The following FYN variants were observed in gnomAD, a reference collection of about 807,000 sequenced individuals.
FYN encodes FYN proto-oncogene, Src family tyrosine kinase, also known as tyrosine-protein kinase Fyn.
Under a neutral mutation model 70.2 loss-of-function variants are expected in FYN, and 10 were observed. The observed-to-expected ratio is 0.14, with a 90% confidence interval of 0.09 to 0.24. FYN has a LOEUF of 0.24. Among genes scored for constraint, FYN ranks in the 10% least tolerant of loss-of-function variants. The probability of loss-of-function intolerance (pLI) is 1.00; values close to 1 mark genes in which losing one functional copy is unlikely to be tolerated. For synonymous variants in FYN, 236 were observed against 248.6 expected (o/e 0.95, Z 0.48); for missense variants, 319 against 673.1 (o/e 0.47, Z 5.82).
intron 2 of FYN, among the ~76,000 whole-genome samples, chr6:111,839,529 A>G (rs1474924531): frequency 6.6e-6 from 1 of 152,034 alleles, no homozygotes; most frequent in African/African-American, 2.4e-5. Context: ...ATGTGCACCT[A>G]AGGAGACCTG....
chr6:111,700,163 C>T lies in FYN; in HGVS notation c.803G>A (p.Arg268Gln). Residue 268 changes from arginine (R) to glutamine (Q), a missense_variant, in exon 9 of 14, where the codon CGA becomes CAA. Coordinates refer to ENST00000354650, the MANE Select transcript of FYN (RefSeq NM_002037.5). Reference protein sequence around the residue: ...VKTKDVWEIPRESLQLIKRLG... With the variant: ...VKTKDVWEIPQESLQLIKRLG... Reference sequence around the variant, plus strand: ...TCTCTTGATCAACTGCAGGGATTCTCGAGGGATTTCCCAGACATCTTTGGT... The same window carrying T: ...TCTCTTGATCAACTGCAGGGATTCTTGAGGGATTTCCCAGACATCTTTGGT... The T allele has an allele frequency of 6.2e-7, 1 of 1,614,086 alleles. No individual in the cohort carries two copies. The highest frequency in any genetic ancestry group is 8.5e-7 in the Non-Finnish European group (1 of 1,180,018).
chr6:111,843,591 C>G (rs1773428683), intron 2 of FYN, among the ~76,000 whole-genome samples: 1 of 152,112 alleles, frequency 6.6e-6, no homozygotes, highest in African/African-American at 2.4e-5. Flanking sequence ...ATGATCTGTT[C>G]ATTTGTCTGC....
intron 2 of FYN, among the ~76,000 whole-genome samples, chr6:111,808,827 T>C (rs1272755314): frequency 6.6e-6 from 1 of 152,214 alleles, no homozygotes; most frequent in African/African-American, 2.4e-5. Context: ...CCAGTAACTT[T>C]TGAAATGACA....
intron 5 of FYN, among the ~76,000 whole-genome samples, chr6:111,708,725 G>A (rs1294729372): frequency 1.3e-5 from 2 of 152,158 alleles, no homozygotes; most frequent in South Asian, 2.1e-4. Flanking sequence ...GAATGGCTGC[G>A]TGTGCTCGCA....
At chr6:111,701,006 A>C (rs1452375473) in intron 8 of FYN, among the ~76,000 whole-genome samples, 1 of 152,098 alleles carries the variant, frequency 6.6e-6, no homozygotes, top group Non-Finnish European at 1.5e-5. Flanking sequence ...CAACTTTTTA[A>C]CAGTCTTCGA....
chr6:111,669,752 T>C (rs553629537), intron 13 of FYN, among the ~76,000 whole-genome samples: 10 of 152,244 alleles, frequency 6.6e-5, no homozygotes, highest in African/African-American at 2.4e-4. Flanking sequence ...TTCTTTTTTT[T>C]CTGTTTCATT....
intron 4 of FYN, among the ~76,000 whole-genome samples, chr6:111,716,711 T>A (rs1028216591): frequency 2.0e-5 from 3 of 151,464 alleles, no homozygotes; most frequent in Non-Finnish European, 2.9e-5. Context: ...ATAAAAAAAA[T>A]TATGAAGAAA....
intron 3 of FYN, among the ~76,000 whole-genome samples, chr6:111,737,500 A>G (rs544408303): frequency 1.3e-4 from 20 of 152,340 alleles, no homozygotes; most frequent in African/African-American, 4.6e-4. Flanking sequence ...TTTAAAGGAT[A>G]CAGATGAAGA....
At chr6:111,682,309 C>T (rs1798812317) in intron 12 of FYN, among the ~76,000 whole-genome samples, 1 of 152,186 alleles carries the variant, frequency 6.6e-6, no homozygotes, top group Non-Finnish European at 1.5e-5. Flanking sequence ...CTGATGCTCT[C>T]GGTTTTTCAG....
intron 13 of FYN, among the ~76,000 whole-genome samples, chr6:111,665,140 C>T (rs998357732): frequency 6.6e-6 from 1 of 152,108 alleles, no homozygotes; most frequent in African/African-American, 2.4e-5. Context: ...TTTTAAATTT[C>T]AGATTTTTTA....
intron 1 of FYN, among the ~76,000 whole-genome samples, chr6:111,862,366 TA>T (rs1773986767): frequency 6.6e-6 from 1 of 152,198 alleles, no homozygotes; most frequent in South Asian, 2.1e-4. Flanking sequence ...TGGTGGTTTC[TA>T]AAGCAGTCTA....
chr6:111,708,900 T>TTA (rs1464413096), intron 5 of FYN: 1 of 152,180 alleles, frequency 6.6e-6, no homozygotes, highest in East Asian at 1.9e-4. Flanking sequence ...AGCCAGTGAG[T>TTA]ACATTAAGCA....
rs539633793 is a variant in FYN at position 111,763,931 on chromosome 6, T to C, written c.-12+16635A>G. On this transcript the variant is annotated intron_variant, in intron 3 of 13. Coordinates refer to ENST00000354650, the MANE Select transcript of FYN (RefSeq NM_002037.5). ...AATGCAATAAGGTGTGGGAAGTGCC[T>C]TGCACACAGTCAATTCAATATGCAG... Among the ~76,000 whole-genome samples, 130 of 152,222 alleles carry C rather than the reference T, an allele frequency of 8.5e-4. 2 individuals are homozygous for C. The highest frequency in any genetic ancestry group is 3.0e-3 in the African/African-American group (125 of 41,538).
chr6:111,667,626 T>C lies in FYN; in HGVS notation c.1406-5679A>G, dbSNP rs143268887. 2.4e-3 allele frequency among the ~76,000 whole-genome samples: 365 copies of C among 152,354 alleles called. 2 individuals carry two copies. The highest frequency in any genetic ancestry group is 6.8e-3 in the Middle Eastern group (2 of 294). On this transcript the variant is annotated intron_variant, in intron 13 of 13. Transcript: ENST00000354650. The stretch of plus-strand genomic sequence containing the variant: ...AGAGCACCGAAATAGATGTCACTTC[T>C]TGACTTCTAACTTTGCATCTTTTAG...
At chr6:111,778,726 C>T (rs1771050109) in intron 3 of FYN, among the ~76,000 whole-genome samples, 2 of 152,096 alleles carry the variant, frequency 1.3e-5, no homozygotes, top group South Asian at 4.2e-4. Context: ...GATCTCCTGA[C>T]CCTGTGAGCT....
intron 2 of FYN, among the ~76,000 whole-genome samples, chr6:111,816,883 A>G (rs1198727121): frequency 1.3e-5 from 2 of 152,228 alleles, no homozygotes; most frequent in Non-Finnish European, 2.9e-5. Context: ...AAAATCAGCA[A>G]TAACCTAAAT....
At chr6:111,846,760 A>C (rs1773541342) in intron 1 of FYN, 131 bp from the exon 2 acceptor site, 1 of 396,710 alleles carries the variant, frequency 2.5e-6, no homozygotes, top group Non-Finnish European at 4.4e-6. Flanking sequence ...CAAATTTTTT[A>C]TCATTCACAC....
At chr6:111,754,774 A>G (rs910476307) in intron 3 of FYN, 2 of 152,188 alleles carry the variant, frequency 1.3e-5, no homozygotes, top group Non-Finnish European at 2.9e-5. Context: ...CCACTAAAAC[A>G]TTCCTTAACA....
intron 2 of FYN, among the ~76,000 whole-genome samples, chr6:111,841,280 T>C (rs1033666460): frequency 6.6e-6 from 1 of 152,214 alleles, no homozygotes; most frequent in Non-Finnish European, 1.5e-5. Flanking sequence ...CAATTGTTCC[T>C]TGATAAAAAC....
Sources: gnomAD v4.1 joint callset for allele counts (sites outside exome capture counted in the v4.1 genomes callset) on GRCh38, gnomAD v4.1.1 for gene constraint, MANE v1.5 for transcripts, NCBI Gene and HGNC (gene_info 2026-07-23, HGNC 2026-07-21) for gene names.